The following ANKRD6 variants were observed in gnomAD, a reference collection of about 807,000 sequenced individuals.
The protein encoded by ANKRD6 is ankyrin repeat domain 6, also known as ankyrin repeat domain-containing protein 6.
In ANKRD6, 56 loss-of-function variants were observed where a neutral mutation model predicts 82.3. That is an observed-to-expected ratio of 0.68 (90% CI 0.55 to 0.85). The LOEUF (loss-of-function observed/expected upper bound fraction) is 0.85. ANKRD6 is among the 40% of genes least tolerant of loss of function. The pLI is 0.00. For missense variants in ANKRD6, 852 were observed against 907.6 expected (o/e 0.94, Z 0.79); for synonymous variants, 347 against 352.1 (o/e 0.99, Z 0.16).
intron 3 of ANKRD6, among the ~76,000 whole-genome samples, chr6:89,597,009 C>G (rs541354774): frequency 1.4e-4 from 21 of 152,294 alleles, no homozygotes; most frequent in African/African-American, 4.3e-4. Flanking sequence ...TTCAGATATG[C>G]TACAGTGTGG....
chr6:89,551,609 C>T (rs762751981), intron 1 of ANKRD6, among the ~76,000 whole-genome samples: 1 of 152,188 alleles, frequency 6.6e-6, no homozygotes, highest in Non-Finnish European at 1.5e-5. Flanking sequence ...TCATCTACCA[C>T]AGCAAATGCA....
Position 89,631,081 on chromosome 6 carries a change from G to A in ANKRD6, c.*77G>A, listed in dbSNP as rs1160259391. ...ACTGCATAATAGCTATGCCCAAGGA[G>A]TCAACTATTGTATATATTGCAGATT... On this transcript the variant is annotated 3_prime_UTR_variant, in exon 16 of 16. Transcript: ENST00000339746. 1 of 1,441,036 alleles carries A rather than the reference G, an allele frequency of 6.9e-7. No homozygotes were observed. Among genetic ancestry groups the A allele is most frequent in the Non-Finnish European group, 9.1e-7 (1 of 1,103,260 alleles). 89.3% of individuals were successfully genotyped at this position (1,441,036 alleles called of 1,614,324 possible). A position where few individuals can be genotyped will look rare whatever the true frequency, so the allele number is the denominator to read the frequency against.
At chr6:89,536,334 C>T (rs1783829683) in intron 1 of ANKRD6, among the ~76,000 whole-genome samples, 1 of 152,252 alleles carries the variant, frequency 6.6e-6, no homozygotes, top group Non-Finnish European at 1.5e-5. Context: ...TTCTGGGTTT[C>T]ATCTGGTTTC....
At chr6:89,575,634 T>A (rs1673367208) in intron 2 of ANKRD6, among the ~76,000 whole-genome samples, 1 of 152,216 alleles carries the variant, frequency 6.6e-6, no homozygotes, top group Admixed American at 6.5e-5. Context: ...ATAATGGGAT[T>A]GTACTTGTAT....
At chr6:89,564,045 C>G (rs1290831989) in intron 1 of ANKRD6, among the ~76,000 whole-genome samples, 1 of 152,222 alleles carries the variant, frequency 6.6e-6, no homozygotes, top group Non-Finnish European at 1.5e-5. Context: ...CAGGTGAAGG[C>G]TGGAGATCCT....
intron 3 of ANKRD6, 51 bp from the exon 4 acceptor site, chr6:89,602,978 A>C (rs1238733508): frequency 2.1e-6 from 3 of 1,459,738 alleles, no homozygotes; most frequent in African/African-American, 2.8e-5. Context: ...TAGTGCAAGC[A>C]GGGGGTGCAG....
intron 1 of ANKRD6, among the ~76,000 whole-genome samples, chr6:89,487,395 A>T (rs766967287): frequency 1.3e-5 from 2 of 152,208 alleles, no homozygotes; most frequent in Non-Finnish European, 2.9e-5. Flanking sequence ...GATCATTTTT[A>T]AAATGTGGAA....
At chr6:89,463,532 T>G (rs1188684071) in intron 1 of ANKRD6, among the ~76,000 whole-genome samples, 1 of 152,188 alleles carries the variant, frequency 6.6e-6, no homozygotes, top group Admixed American at 6.5e-5. Context: ...AACACAGTAT[T>G]TCATCAAGTT....
At chr6:89,623,265 T>C in intron 10 of ANKRD6, 145 bp from the exon 11 acceptor site, 1 of 1,154,774 alleles carries the variant, frequency 8.7e-7, no homozygotes, top group South Asian at 1.9e-5. Flanking sequence ...CCAAGCAGTG[T>C]TTCCTATGTC....
intron 2 of ANKRD6, among the ~76,000 whole-genome samples, chr6:89,578,286 CTTTTT>C (rs71024383): frequency 0.19 from 22,867 of 118,876 alleles, 4,957 homozygotes; most frequent in South Asian, 0.45. Flanking sequence ...CTCCCGCCTC[CTTTTT>C]TTTTTTTTTT....
chr6:89,434,698 T>G (rs1220088912), intron 1 of ANKRD6, among the ~76,000 whole-genome samples: 1 of 152,172 alleles, frequency 6.6e-6, no homozygotes, highest in Non-Finnish European at 1.5e-5. Flanking sequence ...GTGTTGGGAT[T>G]ACAGGTGTGA....
At chr6:89,441,726 G>A (rs1157823134) in intron 1 of ANKRD6, among the ~76,000 whole-genome samples, 2 of 141,374 alleles carry the variant, frequency 1.4e-5, no homozygotes, top group Non-Finnish European at 3.0e-5. Context: ...TCCGCCTCCT[G>A]GGTTTTAGCA....
chr6:89,518,914 G>T (rs1057326997), intron 1 of ANKRD6, among the ~76,000 whole-genome samples: 1 of 152,206 alleles, frequency 6.6e-6, no homozygotes, highest in Non-Finnish European at 1.5e-5. Flanking sequence ...TGTGTCTGCT[G>T]GTTTGGTTTC....
At chr6:89,516,798 C>G (rs1781281321) in intron 1 of ANKRD6, among the ~76,000 whole-genome samples, 1 of 152,102 alleles carries the variant, frequency 6.6e-6, no homozygotes, top group Non-Finnish European at 1.5e-5. Context: ...TTTCAATATC[C>G]ATATCTATCT....
At chr6:89,498,974 T>C (rs1778956843) in intron 1 of ANKRD6, among the ~76,000 whole-genome samples, 1 of 152,184 alleles carries the variant, frequency 6.6e-6, no homozygotes, top group Non-Finnish European at 1.5e-5. Flanking sequence ...TGCCTTCCTC[T>C]ACTGTTGAGA....
chr6:89,572,395 C>T (rs1223252906), intron 2 of ANKRD6, among the ~76,000 whole-genome samples: 1 of 152,232 alleles, frequency 6.6e-6, no homozygotes, highest in Admixed American at 6.5e-5. Flanking sequence ...TGTTGCTCCA[C>T]ATTCTCACCA....
Position 89,588,464 on chromosome 6 carries a change from G to A in ANKRD6, c.121-7452G>A, listed in dbSNP as rs969395710. On this transcript the variant is annotated intron_variant, in intron 2 of 15. Transcript: ENST00000339746. Reference sequence around the variant, plus strand: ...TCTCATGGTCTCTTGAAGAAAAGAAGCTTTATGAAATGATTACACTAATTT... The same window carrying A: ...TCTCATGGTCTCTTGAAGAAAAGAAACTTTATGAAATGATTACACTAATTT... Among the ~76,000 whole-genome samples, 6 of 152,258 alleles carry A rather than the reference G, an allele frequency of 3.9e-5. No individual in the cohort carries two copies. In the South Asian group the frequency reaches 8.3e-4, roughly 21 times the overall value.
chr6:89,452,108 G>T (rs1772907052), intron 1 of ANKRD6, among the ~76,000 whole-genome samples: 2 of 152,108 alleles, frequency 1.3e-5, no homozygotes, highest in South Asian at 4.1e-4. Flanking sequence ...CTGAGCCCAG[G>T]AGTTGAGTCT....
chr6:89,541,785 A>ATT (rs1250210879), intron 1 of ANKRD6, among the ~76,000 whole-genome samples: 2 of 151,144 alleles, frequency 1.3e-5, no homozygotes. Context: ...TCCTATATAT[A>ATT]GTTTTCATAG....
Sources: allele counts gnomAD v4.1 joint callset (sites outside exome capture counted in the v4.1 genomes callset), GRCh38; gene constraint gnomAD v4.1.1; transcripts MANE v1.5; gene names NCBI Gene and HGNC (gene_info 2026-07-23, HGNC 2026-07-21).